SPTAN1: variants seen among roughly 807,000 people sequenced by gnomAD.
The protein encoded by SPTAN1 is spectrin alpha, non-erythrocytic 1, also known as spectrin alpha chain, non-erythrocytic 1.
A neutral mutation model predicts 331.3 loss-of-function variants in SPTAN1; 61 were observed. The ratio of observed to expected loss-of-function variants is 0.18; its 90% CI spans 0.15 to 0.23. SPTAN1 has a LOEUF of 0.23. Ranked by LOEUF, SPTAN1 falls within the 10% of genes least tolerant of loss-of-function variation. SPTAN1 has a pLI of 1.00. For missense variants in SPTAN1, 2,043 were observed against 3,147.9 expected, an observed-to-expected ratio of 0.65 and a Z score of 8.40; for synonymous variants, 1,153 against 1,173.9, an observed-to-expected ratio of 0.98 and a Z score of 0.36.
intron 46 of SPTAN1, 158 bp downstream of exon 46, chr9:128,624,645 G>A (rs910542162): frequency 5.2e-6 from 5 of 964,530 alleles, no homozygotes; most frequent in Admixed American, 4.3e-5. Flanking sequence ...GCTAGGAGGA[G>A]ACAGTGTCCT....
rs1858545221 is a variant in SPTAN1, at chr9:128,625,199, C to G, written c.6069+20C>G. 1.2e-6 allele frequency: 2 copies of G among 1,613,136 alleles called. No individual in the cohort carries two copies. The highest frequency in any genetic ancestry group is 2.7e-5 in the African/African-American group (2 of 75,036). ...AAACAGGTCTGCCCTGGCCCCTTCA[C>G]TGGTTGAAATGTATGCAGATAGCAT... is the stretch of plus-strand genomic sequence containing the variant. On this transcript the variant is annotated intron_variant, in intron 47 of 56. Coordinates refer to ENST00000372739, the MANE Select transcript of SPTAN1 (RefSeq NM_001130438.3). This position sits in a 1 kb window ranked among gnomAD's most constrained non-coding sequence, Gnocchi z 4.1.
At chr9:128,589,553 G>C (rs1255111988) in intron 21 of SPTAN1, among the ~76,000 whole-genome samples, 1 of 147,178 alleles carries the variant, frequency 6.8e-6, no homozygotes, top group African/African-American at 2.5e-5. Context: ...TGGGATTACA[G>C]GCATGAGCCG....
intron 24 of SPTAN1, among the ~76,000 whole-genome samples, chr9:128,597,928 C>T (rs976902404): frequency 2.6e-5 from 4 of 152,030 alleles, no homozygotes; most frequent in Admixed American, 1.3e-4. Flanking sequence ...GGATTACAGG[C>T]GTGAGCCACC....
At chr9:128,556,801 T>C (rs1183453808) in intron 1 of SPTAN1, among the ~76,000 whole-genome samples, 2 of 152,266 alleles carry the variant, frequency 1.3e-5, no homozygotes, top group Non-Finnish European at 2.9e-5. Context: ...TTATGTATTA[T>C]TGACCTCTCT....
At chr9:128,612,303 G>A (rs1240053467) in intron 39 of SPTAN1, 57 bp downstream of exon 39, 3 of 1,612,678 alleles carry the variant, frequency 1.9e-6, no homozygotes, top group Non-Finnish European at 2.5e-6. Context: ...ATTTGGCACA[G>A]TGGGTCCATC....
In SPTAN1 at chr9:128,584,829, C is replaced by T; in HGVS notation, c.2546C>T (p.Ala849Val). Reference protein sequence around the residue: ...RIKAVTQKGNAMVEEGHFAAE... With the variant: ...RIKAVTQKGNVMVEEGHFAAE... The stretch of plus-strand genomic sequence containing the variant: ...AAAGCAGTTACACAGAAGGGGAATG[C>T]CATGGTGGAGGAAGGTGAGTGATTG... The change falls in exon 18 of 57, where the codon GCC (alanine) becomes GTC (valine). Residue 849 changes from alanine to valine, a missense_variant. Ala to Val is a moderately conservative substitution (Grantham distance 64). Around this residue, in one of 12 missense-constraint regions of SPTAN1, gnomAD observed 1,038 missense variants for 1,531.5 expected, o/e 0.68. Coordinates refer to ENST00000372739, the MANE Select transcript of SPTAN1 (RefSeq NM_001130438.3). 6.2e-7 allele frequency: 1 copy of T among 1,614,140 alleles called. No homozygotes were observed. The highest frequency in any genetic ancestry group is 1.1e-5 in the South Asian group (1 of 91,076).
In SPTAN1 at chr9:128,626,371, TCA is replaced by T; in HGVS notation, c.6280-19_6280-18del. The T allele has an allele frequency of 6.2e-7, 1 of 1,612,796 alleles. No individual in the cohort carries two copies. The highest frequency in any genetic ancestry group is 8.5e-7 in the Non-Finnish European group (1 of 1,180,026). On this transcript the variant is annotated intron_variant, in intron 48 of 56. Transcript: ENST00000372739. ...GTCCAGCCCTGGCGACTCCGCCAAC[TCA>T]GTCTCTTCTGCTTCCAGGTGGAGGA...
chr9:128,557,564 T>A (rs1848780724), intron 1 of SPTAN1, among the ~76,000 whole-genome samples: 1 of 151,728 alleles, frequency 6.6e-6, no homozygotes, highest in Non-Finnish European at 1.5e-5. Context: ...ATTTTTATAC[T>A]CCCAAATTTT....
chr9:128,618,645 A>G (rs1030236762), intron 43 of SPTAN1, among the ~76,000 whole-genome samples: 1 of 151,882 alleles, frequency 6.6e-6, no homozygotes, highest in Admixed American at 6.6e-5. Flanking sequence ...CACCAAGCCC[A>G]GCTAATTTTT....
chr9:128,558,471 T>A (rs1015905660), intron 1 of SPTAN1, among the ~76,000 whole-genome samples: 4 of 152,242 alleles, frequency 2.6e-5, no homozygotes, highest in Admixed American at 6.5e-5. Flanking sequence ...CAGACTTGAT[T>A]GGCAAAATCA....
chr9:128,604,900 C>T (rs1589295225), intron 29 of SPTAN1, 134 bp from the exon 30 acceptor site: 6 of 979,130 alleles, frequency 6.1e-6, no homozygotes, highest in Non-Finnish European at 7.3e-6. Flanking sequence ...GCATTGTGCT[C>T]CAGCCTGGGT....
At chr9:128,596,923 G>A (rs1435022608) in intron 24 of SPTAN1, among the ~76,000 whole-genome samples, 1 of 152,148 alleles carries the variant, frequency 6.6e-6, no homozygotes, top group Non-Finnish European at 1.5e-5. Context: ...ACTTTGGGAG[G>A]CCGAGGCAGG....
chr9:128,580,338 CT>C (rs926205449), intron 10 of SPTAN1, among the ~76,000 whole-genome samples: 2 of 149,238 alleles, frequency 1.3e-5, no homozygotes, highest in African/African-American at 4.9e-5. Flanking sequence ...TTTTATTTTA[CT>C]TTTTTTATAT....
At chr9:128,582,389 T>C (rs991025449) in intron 12 of SPTAN1, 90 bp from the exon 13 acceptor site, 148 of 1,137,390 alleles carry the variant, frequency 1.3e-4, no homozygotes, top group Non-Finnish European at 1.8e-4. Context: ...TTTGGTGTGT[T>C]TTATGATCTG....
At chr9:128,605,565 A>G (rs879560097) in intron 31 of SPTAN1, 88 bp downstream of exon 31, 23 of 1,514,314 alleles carry the variant, frequency 1.5e-5, no homozygotes, top group Non-Finnish European at 2.0e-5. Flanking sequence ...CATGCTCAGC[A>G]GGGTACAATG....
chr9:128,613,407 T>C lies in SPTAN1; in HGVS notation c.5070T>C (p.Asp1690=). The change falls in exon 40 of 57, where the codon GAT becomes GAC. Residue 1690 remains aspartate, a synonymous_variant. Transcript: ENST00000372739. ...TGGAGGCCCTGCTGGCATCCGAAGA[T>C]TATGGCAAAGACCTAGCTTCTGTGA... ...SEVEALLASE[D]YGKDLASVNN... The C allele has an allele frequency of 1.9e-6, 3 of 1,614,232 alleles. No individual in the cohort carries two copies. The highest frequency in any genetic ancestry group is 2.5e-6 in the Non-Finnish European group (3 of 1,180,038).
At chr9:128,605,742 A>G (rs780923276) in intron 31 of SPTAN1, among the ~76,000 whole-genome samples, 1 of 152,236 alleles carries the variant, frequency 6.6e-6, no homozygotes, top group Non-Finnish European at 1.5e-5. Context: ...CTATAACCCC[A>G]GCACTTTGGT....
intron 52 of SPTAN1, among the ~76,000 whole-genome samples, chr9:128,630,921 C>G (rs1336541438): frequency 1.3e-5 from 2 of 152,112 alleles, no homozygotes; most frequent in African/African-American, 4.8e-5. Flanking sequence ...GCCAGGCAGG[C>G]TGGTCTCGAA....
intron 27 of SPTAN1, chr9:128,601,398 C>T (rs1855132196): frequency 6.6e-6 from 1 of 152,040 alleles, no homozygotes; most frequent in Non-Finnish European, 1.5e-5. Flanking sequence ...ACTTGAGTTA[C>T]AGGCAAGTTA....
Sources: gnomAD v4.1 joint callset for allele counts (sites outside exome capture counted in the v4.1 genomes callset) on GRCh38, gnomAD v4.1.1 for gene constraint, gnomAD v4.1.1 regional missense constraint, Gnocchi (gnomAD v3.1) non-coding constraint, MANE v1.5 for transcripts, NCBI Gene and HGNC (gene_info 2026-07-23, HGNC 2026-07-21) for gene names.